The following FAM83B variants were observed in gnomAD, a reference collection of about 807,000 sequenced individuals.
FAM83B encodes scaffolding CK1 anchoring protein B, also known as protein FAM83B.
In FAM83B, 26 loss-of-function variants were observed where a neutral mutation model predicts 38.8. The observed-to-expected ratio is 0.67, with a 90% confidence interval of 0.49 to 0.93. The LOEUF is 0.93. Ranked by LOEUF, FAM83B falls within the 40% of genes least tolerant of loss-of-function variation. The pLI, the probability that FAM83B is intolerant of heterozygous loss-of-function variation, is 0.00. For missense variants in FAM83B, 1,237 were observed against 1,197.3 expected (o/e 1.03, Z -0.49); for synonymous variants, 419 against 423.1 (o/e 0.99, Z 0.12).
In FAM83B at chr6:54,924,129, C is replaced by T. The variant is rs140770663; in HGVS notation, c.445-2242C>T. Among the ~76,000 whole-genome samples, 34 of 151,644 alleles carry T rather than the reference C, an allele frequency of 2.2e-4. No homozygotes were observed. In the East Asian group the frequency reaches 5.9e-3, roughly 26 times the overall value. On this transcript the variant is annotated intron_variant, in intron 2 of 4. Transcript: ENST00000306858. ...TTATTTCACTTAAAATAATGCCCTC[C>T]GGGTTCATTCATGTTGTAACAAATA... is the stretch of plus-strand genomic sequence containing the variant.
chr6:54,937,492 G>A (rs184486348), intron 4 of FAM83B, among the ~76,000 whole-genome samples: 1 of 152,074 alleles, frequency 6.6e-6, no homozygotes, highest in African/African-American at 2.4e-5. Flanking sequence ...TAATGATTGA[G>A]GCAGCTGGCC....
At chr6:54,905,286 GA>G (rs1412164259) in intron 2 of FAM83B, among the ~76,000 whole-genome samples, 1 of 152,178 alleles carries the variant, frequency 6.6e-6, no homozygotes, top group African/African-American at 2.4e-5. Flanking sequence ...GAATCCTCAG[GA>G]AGCCAGTTAT....
intron 2 of FAM83B, among the ~76,000 whole-genome samples, chr6:54,887,698 A>G (rs1245619463): frequency 6.6e-6 from 1 of 150,846 alleles, no homozygotes; most frequent in Admixed American, 6.6e-5. Flanking sequence ...TTTATAATTT[A>G]CTCAATTTGA....
chr6:54,906,591 G>A (rs1475962130), intron 2 of FAM83B, among the ~76,000 whole-genome samples: 2 of 152,030 alleles, frequency 1.3e-5, no homozygotes, highest in Non-Finnish European at 2.9e-5. Context: ...CACCAAGTTG[G>A]CCAGGCTGGT....
chr6:54,866,078 T>C (rs1012284429), intron 1 of FAM83B, among the ~76,000 whole-genome samples: 1 of 151,866 alleles, frequency 6.6e-6, no homozygotes, highest in Non-Finnish European at 1.5e-5. Flanking sequence ...CCTCTCTACA[T>C]CTGCCCAAAC....
intron 2 of FAM83B, among the ~76,000 whole-genome samples, chr6:54,894,072 C>T (rs1772463953): frequency 6.6e-6 from 1 of 152,126 alleles, no homozygotes; most frequent in Admixed American, 6.6e-5. Flanking sequence ...TGTTCCTTTC[C>T]ACTAGGTCCT....
chr6:54,894,877 C>T (rs1341470103), intron 2 of FAM83B, among the ~76,000 whole-genome samples: 3 of 152,218 alleles, frequency 2.0e-5, no homozygotes, highest in Non-Finnish European at 4.4e-5. Flanking sequence ...TCCAGACTGC[C>T]TGGCTTTGAA....
intron 1 of FAM83B, among the ~76,000 whole-genome samples, chr6:54,847,094 C>G (rs1771156138): frequency 6.6e-6 from 1 of 152,144 alleles, no homozygotes; most frequent in Non-Finnish European, 1.5e-5. Flanking sequence ...GAAAAGTTGT[C>G]TCGGGCGGAG....
At chr6:54,888,481 T>G (rs1772329515) in intron 2 of FAM83B, among the ~76,000 whole-genome samples, 1 of 151,976 alleles carries the variant, frequency 6.6e-6, no homozygotes, top group Admixed American at 6.6e-5. Context: ...TGTTTATTTC[T>G]CCTTCCTTTT....
intron 4 of FAM83B, among the ~76,000 whole-genome samples, chr6:54,930,406 G>A (rs565925553): frequency 6.6e-6 from 1 of 152,192 alleles, no homozygotes; most frequent in African/African-American, 2.4e-5. Flanking sequence ...TAAATTGGAA[G>A]CACACCTGGG....
chr6:54,895,731 A>G (rs1180712772), intron 2 of FAM83B, among the ~76,000 whole-genome samples: 2 of 152,020 alleles, frequency 1.3e-5, no homozygotes, highest in Non-Finnish European at 2.9e-5. Flanking sequence ...AACCAGTAAC[A>G]TGGCATAGGT....
chr6:54,918,228 A>C (rs1232312724), intron 2 of FAM83B, among the ~76,000 whole-genome samples: 2 of 152,186 alleles, frequency 1.3e-5, no homozygotes, highest in African/African-American at 2.4e-5. Context: ...ATTAATTTCA[A>C]ATCTATTTCT....
At chr6:54,905,577 G>T (rs9357821) in intron 2 of FAM83B, among the ~76,000 whole-genome samples, 1 of 152,020 alleles carries the variant, frequency 6.6e-6, no homozygotes, top group Non-Finnish European at 1.5e-5. Flanking sequence ...AACATGCTGC[G>T]CAGTAGATCT....
At chr6:54,854,443 A>G (rs1771392380) in intron 1 of FAM83B, among the ~76,000 whole-genome samples, 1 of 152,102 alleles carries the variant, frequency 6.6e-6, no homozygotes, top group African/African-American at 2.4e-5. Flanking sequence ...TAGCCACCCC[A>G]CCCTTCAGCA....
At chr6:54,890,746 A>G (rs1360522344) in intron 2 of FAM83B, among the ~76,000 whole-genome samples, 1 of 152,142 alleles carries the variant, frequency 6.6e-6, no homozygotes, top group East Asian at 1.9e-4. Flanking sequence ...ATCAGTGAGA[A>G]GAAACAGTGA....
chr6:54,864,453 A>G (rs1444100850), intron 1 of FAM83B, among the ~76,000 whole-genome samples: 1 of 152,138 alleles, frequency 6.6e-6, no homozygotes. Flanking sequence ...CCTGTGACTG[A>G]GTGCGTCATG....
intron 1 of FAM83B, among the ~76,000 whole-genome samples, chr6:54,859,174 G>T: frequency 6.6e-6 from 1 of 151,678 alleles, no homozygotes; most frequent in East Asian, 1.9e-4. Context: ...GATTCTCCCT[G>T]CCGCAGCCTC....
intron 4 of FAM83B, among the ~76,000 whole-genome samples, chr6:54,930,793 C>A (rs950518430): frequency 2.0e-5 from 3 of 151,912 alleles, no homozygotes; most frequent in African/African-American, 7.2e-5. Flanking sequence ...TGCGTGAGAT[C>A]TTTTAGCTTT....
chr6:54,907,578 G>A (rs1297922563), intron 2 of FAM83B, among the ~76,000 whole-genome samples: 2 of 147,930 alleles, frequency 1.4e-5, no homozygotes, highest in African/African-American at 2.5e-5. Context: ...TGAGACTGAG[G>A]AAGTAGAAGA....
Sources: gnomAD v4.1 joint callset for allele counts (sites outside exome capture counted in the v4.1 genomes callset) on GRCh38, gnomAD v4.1.1 for gene constraint, MANE v1.5 for transcripts, NCBI Gene and HGNC (gene_info 2026-07-23, HGNC 2026-07-21) for gene names.